The following PSKH1 variants were observed in gnomAD, a reference collection of about 807,000 sequenced individuals.
The protein encoded by PSKH1 is serine/threonine-protein kinase H1.
A neutral mutation model predicts 26.7 loss-of-function variants in PSKH1; 12 were observed. That is an observed-to-expected ratio of 0.45 (90% CI 0.29 to 0.73). The LOEUF is 0.73. Ranked by LOEUF, PSKH1 falls within the 30% of genes least tolerant of loss-of-function variation. The pLI, the probability that PSKH1 is intolerant of heterozygous loss-of-function variation, is 0.11. For synonymous variants in PSKH1, 213 were observed against 234.3 expected, an observed-to-expected ratio of 0.91 and a Z score of 0.83; for missense variants, 431 against 595.2, an observed-to-expected ratio of 0.72 and a Z score of 2.87.
At chr16:67,906,612 A>G (rs1598188356) in intron 1 of PSKH1, among the ~76,000 whole-genome samples, 1 of 148,776 alleles carries the variant, frequency 6.7e-6, no homozygotes. Flanking sequence ...TGATCCGCCC[A>G]CCTCGGCCTC....
chr16:67,926,363 G>A (rs114854906), intron 2 of PSKH1, among the ~76,000 whole-genome samples: 1 of 152,170 alleles, frequency 6.6e-6, no homozygotes, highest in Admixed American at 6.5e-5. Context: ...CACCAGGCAC[G>A]GGCTCATCCA....
In PSKH1 at chr16:67,920,418, C is replaced by T. The variant is rs958446464; in HGVS notation, c.958-6907C>T. Among the ~76,000 whole-genome samples, 3 of 152,136 alleles carry T rather than the reference C, an allele frequency of 2.0e-5. No individual in the cohort carries two copies. The East Asian group carries it at 5.8e-4, about 29-fold the overall frequency. The stretch of plus-strand genomic sequence containing the variant: ...CTGGGATTACAGGTGTGGGCCACCA[C>T]ACCGGGCTAATTTTTTAGGTTTCTT... On this transcript the variant is annotated intron_variant, in intron 2 of 2. Transcript: ENST00000291041.
At chr16:67,920,758 G>A (rs776810656) in intron 2 of PSKH1, among the ~76,000 whole-genome samples, 2 of 152,192 alleles carry the variant, frequency 1.3e-5, no homozygotes, top group Non-Finnish European at 2.9e-5. Flanking sequence ...CGTGCCTGAC[G>A]TCCCTCGGTA....
chr16:67,895,050 A>G (rs2058122339), intron 1 of PSKH1, among the ~76,000 whole-genome samples: 1 of 151,446 alleles, frequency 6.6e-6, no homozygotes, highest in South Asian at 2.1e-4. Flanking sequence ...CAGCCCCCAG[A>G]GTAGCTGGGG....
chr16:67,912,547 C>T (rs550906003), intron 2 of PSKH1, among the ~76,000 whole-genome samples: 9 of 152,330 alleles, frequency 5.9e-5, no homozygotes, highest in South Asian at 2.1e-4. Context: ...CAGGTTGGCA[C>T]AATCTGTGGC....
In PSKH1 at chr16:67,909,356, C is replaced by T. The variant is rs936151268; in HGVS notation, c.607C>T (p.Leu203=). ...RDATRVLQMV[L]DGVRYLHALG... is the part of the protein sequence containing the mutation. ...CGCCACGCGGGTGCTGCAGATGGTGCTGGATGGCGTCCGGTATCTGCATGC... is the reference window on the plus strand; with the variant it reads ...CGCCACGCGGGTGCTGCAGATGGTGTTGGATGGCGTCCGGTATCTGCATGC... Residue 203 remains leucine (L), a synonymous_variant, in exon 2 of 3, where the codon CTG becomes TTG. Transcript: ENST00000291041. The surrounding 1 kb of genome is among the most constrained non-coding windows in gnomAD (Gnocchi z 7.8). 2 of 1,613,950 alleles carry T rather than the reference C, an allele frequency of 1.2e-6. No individual in the cohort carries two copies. Among genetic ancestry groups the T allele is most frequent in the African/African-American group, 2.7e-5 (2 of 74,894 alleles).
rs749733188 is a variant in PSKH1 at position 67,908,920 on chromosome 16, G to A, written c.171G>A (p.Gln57=). 2.5e-6 allele frequency: 4 copies of A among 1,614,168 alleles called. No homozygotes were observed. Among genetic ancestry groups the A allele is most frequent in the East Asian group, 2.2e-5 (1 of 44,882 alleles). Residue 57 remains glutamine (Q), a synonymous_variant, in exon 2 of 3, where the codon CAG becomes CAA. Transcript: ENST00000291041. ...AAGCCGGGTTCCCAGCAGCAAGTCA[G>A]TATGCACACCCCTGCCCCGGTCCCC... is the stretch of plus-strand genomic sequence containing the variant. The part of the protein sequence containing the change: ...PVKAGFPAAS[Q]YAHPCPGPPT...
rs777367014 is a variant in PSKH1 at position 67,909,366 on chromosome 16, T to G, written c.617T>G (p.Val206Gly). 1 of 1,613,750 alleles carries G rather than the reference T, an allele frequency of 6.2e-7. No homozygotes were observed. Among genetic ancestry groups the G allele is most frequent in the Non-Finnish European group, 8.5e-7 (1 of 1,179,956 alleles). Residue 206 changes from valine (V) to glycine (G), a missense_variant, in exon 2 of 3, where the codon GTC becomes GGC. Coordinates refer to ENST00000291041, the MANE Select transcript of PSKH1 (RefSeq NM_006742.3). The surrounding 1 kb of genome is among the most constrained non-coding windows in gnomAD (Gnocchi z 7.8). ...GTGCTGCAGATGGTGCTGGATGGCG[T>G]CCGGTATCTGCATGCACTGGGCATC... ...TRVLQMVLDG[V>G]RYLHALGITH... is the part of the protein sequence containing the mutation.
chr16:67,910,119 C>T (rs2058169490), intron 2 of PSKH1: 1 of 354,684 alleles, frequency 2.8e-6, no homozygotes, highest in Non-Finnish European at 5.1e-6. Context: ...TTTTTTTAAT[C>T]CACTGACTCC....
chr16:67,910,745 C>T (rs2058171032), intron 2 of PSKH1, among the ~76,000 whole-genome samples: 1 of 152,218 alleles, frequency 6.6e-6, no homozygotes, highest in African/African-American at 2.4e-5. Context: ...TCAGGTCATC[C>T]GCCGGCCTTG....
intron 2 of PSKH1, among the ~76,000 whole-genome samples, chr16:67,916,565 G>A (rs2065319594): frequency 6.6e-6 from 1 of 152,142 alleles, no homozygotes; most frequent in South Asian, 2.1e-4. Flanking sequence ...GGGCAGGTCT[G>A]GTGTTTGTTG....
chr16:67,915,766 C>A (rs1326631472), intron 2 of PSKH1, among the ~76,000 whole-genome samples: 1 of 152,194 alleles, frequency 6.6e-6, no homozygotes, highest in Non-Finnish European at 1.5e-5. Flanking sequence ...CTGCCAGCAA[C>A]CTGGCATGCT....
intron 2 of PSKH1, among the ~76,000 whole-genome samples, chr16:67,915,424 A>G (rs1216642795): frequency 3.9e-5 from 6 of 151,994 alleles, no homozygotes; most frequent in Non-Finnish European, 5.9e-5. Context: ...GTTGGGAGGG[A>G]TCCGTCTGGG....
intron 1 of PSKH1, among the ~76,000 whole-genome samples, chr16:67,897,940 C>A (rs1044185037): frequency 6.6e-6 from 1 of 152,076 alleles, no homozygotes; most frequent in Non-Finnish European, 1.5e-5. Flanking sequence ...CTCTGCCTTC[C>A]GGGTTCATGC....
intron 2 of PSKH1, among the ~76,000 whole-genome samples, chr16:67,924,957 A>T (rs926567257): frequency 3.8e-4 from 57 of 150,796 alleles, no homozygotes; most frequent in South Asian, 1.0e-3. Context: ...TTTCTTTTTT[A>T]AAAAAAAATT....
intron 2 of PSKH1, among the ~76,000 whole-genome samples, chr16:67,914,179 C>T (rs1431346934): frequency 2.6e-5 from 4 of 151,570 alleles, no homozygotes; most frequent in Non-Finnish European, 5.9e-5. Context: ...GATGGAGTTT[C>T]GCTCTTGTTG....
In PSKH1 at chr16:67,927,772, C is replaced by A; in HGVS notation, c.*130C>A. The stretch of plus-strand genomic sequence containing the variant: ...TAGGTGAAGAATGTCTGGCTCCAGC[C>A]CTTTCTCTGTGCCTTCAGCAGCCCC... On this transcript the variant is annotated 3_prime_UTR_variant, in exon 3 of 3. Coordinates refer to ENST00000291041, the MANE Select transcript of PSKH1 (RefSeq NM_006742.3). This position sits in a 1 kb window ranked among gnomAD's most constrained non-coding sequence, Gnocchi z 5.5. 1 of 1,139,108 alleles carries A rather than the reference C, an allele frequency of 8.8e-7. No homozygotes were observed. The highest frequency in any genetic ancestry group is 1.2e-6 in the Non-Finnish European group (1 of 821,700). 70.6% of individuals were successfully genotyped at this position (1,139,108 alleles called of 1,614,324 possible).
rs766310742 is a variant in PSKH1 at position 67,909,469 on chromosome 16, C to T, written c.720C>T (p.Phe240=). The change falls in exon 2 of 3, where the codon TTC becomes TTT. Residue 240 remains phenylalanine, a synonymous_variant. Transcript: ENST00000291041. This position sits in a 1 kb window ranked among gnomAD's most constrained non-coding sequence, Gnocchi z 7.8. The part of the protein sequence containing the change: ...GTDSKIIITD[F]GLASARKKGD... ...ACTCCAAGATCATCATCACCGACTT[C>T]GGCCTGGCCAGTGCTCGCAAGAAGG... is the stretch of plus-strand genomic sequence containing the variant. The T allele has an allele frequency of 1.4e-5, 22 of 1,613,424 alleles. No individual in the cohort carries two copies. Among genetic ancestry groups the T allele is most frequent in the African/African-American group, 1.3e-4 (10 of 74,892 alleles).
intron 1 of PSKH1, among the ~76,000 whole-genome samples, chr16:67,900,088 G>A (rs189007869): frequency 2.0e-4 from 30 of 152,078 alleles, no homozygotes; most frequent in Admixed American, 9.2e-4. Flanking sequence ...CAGCTTCTGA[G>A]TAGCTGGGAT....
Sources: allele counts gnomAD v4.1 joint callset (sites outside exome capture counted in the v4.1 genomes callset), GRCh38; gene constraint gnomAD v4.1.1; non-coding constraint Gnocchi (gnomAD v3.1); transcripts MANE v1.5; gene names NCBI Gene and HGNC (gene_info 2026-07-23, HGNC 2026-07-21).